SLC9A6: variants seen among roughly 807,000 people sequenced by gnomAD.
The protein encoded by SLC9A6 is solute carrier family 9 member A6.
SLC9A6 carries 6 observed loss-of-function variants against 45.3 expected under a neutral mutation model. That is an observed-to-expected ratio of 0.13 (90% CI 0.07 to 0.26). SLC9A6 has a LOEUF of 0.26. Among genes scored for constraint, SLC9A6 ranks in the 10% least tolerant of loss-of-function variants. SLC9A6 has a pLI of 1.00. For synonymous variants in SLC9A6, 191 were observed against 187.7 expected (o/e 1.02, Z -0.14); for missense variants, 278 against 503.7 (o/e 0.55, Z 4.29).
chrX:135,974,893 C>T (rs2089253138), intron 1 of SLC9A6: 2 of 262,466 alleles, frequency 7.6e-6, no homozygotes. Context: ...TTTTAAAATG[C>T]TAATAACGCA....
At chrX:136,024,277 A>G (rs2071190298) in intron 12 of SLC9A6, 53 bp from the exon 13 acceptor site, 2 of 1,163,231 alleles carry the variant, frequency 1.7e-6, no homozygotes, top group Admixed American at 4.4e-5. Flanking sequence ...GAATTTATGA[A>G]GCTTGCATTG....
chrX:136,023,195 A>ATG (rs2071167205), intron 12 of SLC9A6, among the ~76,000 whole-genome samples: 1 of 45,266 alleles, frequency 2.2e-5, no homozygotes, highest in Non-Finnish European at 3.8e-5. Context: ...ATATATATAT[A>ATG]TATATATATA....
chrX:136,042,221 C>A (rs1341041852), intron 17 of SLC9A6, among the ~76,000 whole-genome samples: 3 of 108,356 alleles, frequency 2.8e-5, no homozygotes, highest in African/African-American at 6.7e-5. Flanking sequence ...GTCACCCAGG[C>A]TGGAGTGCAG....
intron 2 of SLC9A6, among the ~76,000 whole-genome samples, chrX:135,987,489 A>G (rs1488237775): frequency 9.0e-6 from 1 of 111,572 alleles, no homozygotes; most frequent in African/African-American, 3.3e-5. Flanking sequence ...GATCAGAGAT[A>G]CTTCTTTTAT....
chrX:135,976,276 C>T (rs1420962144), intron 1 of SLC9A6, among the ~76,000 whole-genome samples: 3 of 111,525 alleles, frequency 2.7e-5, no homozygotes, highest in Non-Finnish European at 3.8e-5. Context: ...CTTCTCCGCC[C>T]CTGGGAGGTA....
chrX:136,010,696 TATAAC>T, intron 8 of SLC9A6, 113 bp downstream of exon 8: 1 of 676,102 alleles, frequency 1.5e-6, no homozygotes, highest in South Asian at 2.6e-5. Context: ...TTATTAATCT[TATAAC>T]TAAGTACTTG....
intron 17 of SLC9A6, among the ~76,000 whole-genome samples, chrX:136,042,229 C>T (rs1402525235): frequency 2.8e-5 from 3 of 108,141 alleles, no homozygotes; most frequent in Non-Finnish European, 5.7e-5. Flanking sequence ...GGCTGGAGTG[C>T]AGTGGCGCGA....
chrX:136,020,346 T>C (rs781966066), intron 11 of SLC9A6, among the ~76,000 whole-genome samples: 9 of 110,616 alleles, frequency 8.1e-5, no homozygotes, highest in Admixed American at 7.6e-4. Context: ...AGTCATTTTT[T>C]AATTATTATT....
chrX:136,035,735 G>A (rs1184092624), intron 16 of SLC9A6, among the ~76,000 whole-genome samples: 1 of 109,765 alleles, frequency 9.1e-6, no homozygotes, highest in Non-Finnish European at 1.9e-5. Context: ...TATGTTTAAC[G>A]TGTTTTTTGT....
rs1556621402 is a variant in SLC9A6 at position 136,033,443 on chromosome X, C to T, written c.1611C>T (p.Thr537=). The change falls in exon 16 of 18, where the codon ACC becomes ACT. Residue 537 remains threonine (T), a synonymous_variant. Coordinates refer to ENST00000630721, the MANE Select transcript of SLC9A6 (RefSeq NM_001379110.1). ...TTCCTGAAAATGAAAGGAGAACTAC[C>T]AAAGCAGAGAGTGCTTGGCTTTTCC... ...LGVPENERRT[T]KAESAWLFRM... 4 of 1,182,776 alleles carry T rather than the reference C, an allele frequency of 3.4e-6. No homozygotes were observed. The South Asian group carries it at 7.1e-5, about 21-fold the overall frequency.
chrX:136,016,493 G>A (rs2071021613), intron 10 of SLC9A6, 152 bp from the exon 11 acceptor site: 8 of 403,959 alleles, frequency 2.0e-5, no homozygotes, highest in Non-Finnish European at 3.4e-5. Context: ...TAGAAATGTC[G>A]TCTCCACATT....
In SLC9A6 at chrX:136,046,989, G is replaced by A. The variant is rs781813412; in HGVS notation, c.*2265G>A. ...TTCTTGGCATTTATCCTAGTTGTCCGTGTTTGGCAATGTGCTGTTAAAGTA... is the reference window on the plus strand; with the variant it reads ...TTCTTGGCATTTATCCTAGTTGTCCATGTTTGGCAATGTGCTGTTAAAGTA... On this transcript the variant is annotated 3_prime_UTR_variant, in exon 18 of 18. Coordinates refer to ENST00000630721, the MANE Select transcript of SLC9A6 (RefSeq NM_001379110.1). The A allele has an allele frequency of 2.7e-5, 3 of 112,504 alleles. No individual in the cohort carries two copies. Among genetic ancestry groups the A allele is most frequent in the East Asian group, 2.8e-4 (1 of 3,589 alleles). 9.3% of individuals were successfully genotyped at this position (112,504 alleles called of 1,213,427 possible).
intron 14 of SLC9A6, chrX:136,029,893 GGTAA>G: frequency 4.8e-6 from 2 of 418,062 alleles, no homozygotes; most frequent in Non-Finnish European, 8.4e-6. Flanking sequence ...TTCTGAAACT[GGTAA>G]GTAAGATTGC....
At chrX:136,013,264 C>G (rs2070957261) in intron 9 of SLC9A6, 85 bp from the exon 10 acceptor site, 1 of 809,674 alleles carries the variant, frequency 1.2e-6, no homozygotes, top group African/African-American at 2.0e-5. Context: ...CAGACAAAGC[C>G]TATAATCTAC....
intron 7 of SLC9A6, among the ~76,000 whole-genome samples, chrX:136,003,354 C>T (rs1328269173): frequency 3.6e-5 from 4 of 112,266 alleles, no homozygotes; most frequent in African/African-American, 9.7e-5. Flanking sequence ...CAGGCACAAC[C>T]GTGAATAAAT....
chrX:135,991,582 A>G (rs782352223), intron 2 of SLC9A6, among the ~76,000 whole-genome samples: 15 of 109,892 alleles, frequency 1.4e-4, no homozygotes, highest in Non-Finnish European at 2.9e-4. Flanking sequence ...ATACCTCCTC[A>G]TTTCTGCTTC....
upstream of SLC9A6, among the ~76,000 whole-genome samples, chrX:135,974,432 A>G (rs1603178766): frequency 3.7e-4 from 8 of 21,905 alleles, no homozygotes; most frequent in African/African-American, 7.9e-4. Flanking sequence ...GGCGGGGAGG[A>G]GGTGGGACCG....
intron 10 of SLC9A6, 68 bp downstream of exon 10, chrX:136,013,505 TA>T (rs35492327): frequency 0.095 from 44,860 of 472,878 alleles, no homozygotes; most frequent in Admixed American, 0.11. Flanking sequence ...TCTTTTTTAC[TA>T]AAAAAAAAAA....
chrX:135,980,109 G>C (rs1603181438), intron 1 of SLC9A6, among the ~76,000 whole-genome samples: 1 of 111,606 alleles, frequency 9.0e-6, no homozygotes, highest in Non-Finnish European at 1.9e-5. Context: ...AATTAATATT[G>C]GGGAGGTTTT....
Sources: gnomAD v4.1 joint callset for allele counts (sites outside exome capture counted in the v4.1 genomes callset) on GRCh38, gnomAD v4.1.1 for gene constraint, MANE v1.5 for transcripts, NCBI Gene and HGNC (gene_info 2026-07-23, HGNC 2026-07-21) for gene names.